The following PCDH15 variants were observed in gnomAD, a reference collection of about 807,000 sequenced individuals.
PCDH15 encodes protocadherin related 15.
Under a neutral mutation model 178.5 loss-of-function variants are expected in PCDH15, and 129 were observed. The ratio of observed to expected loss-of-function variants is 0.72; its 90% CI spans 0.63 to 0.84. The LOEUF (loss-of-function observed/expected upper bound fraction) is 0.84. Ranked by LOEUF, PCDH15 falls within the 40% of genes least tolerant of loss-of-function variation. The pLI is 0.00. For missense variants in PCDH15, 2,230 were observed against 2,099.9 expected, an observed-to-expected ratio of 1.06 and a Z score of -1.21; for synonymous variants, 800 against 732.0, an observed-to-expected ratio of 1.09 and a Z score of -1.50.
In PCDH15 at chr10:55,405,401, C is replaced by T. The variant is rs966379738; in HGVS notation, c.-156+222224G>A. The stretch of plus-strand genomic sequence containing the variant: ...TGAAAGACTTCTTTGGCTTTAAATA[C>T]CTGTCTTTTAACATCACTCATATGT... On this transcript the variant is annotated intron_variant, in intron 2 of 5. Coordinates refer to the PCDH15 transcript ENST00000613346. 2.7e-5 allele frequency among the ~76,000 whole-genome samples: 4 copies of T among 149,718 alleles called. No homozygotes were observed. In the Admixed American group the frequency reaches 2.7e-4, roughly 10 times the overall value.
intron 2 of PCDH15, among the ~76,000 whole-genome samples, chr10:55,339,519 A>G (rs1253089741): frequency 6.6e-6 from 1 of 152,194 alleles, no homozygotes; most frequent in Non-Finnish European, 1.5e-5. Flanking sequence ...GCATTAATCA[A>G]TGTATACATA....
intron 3 of PCDH15, among the ~76,000 whole-genome samples, chr10:54,833,695 GTCTC>G (rs1564550983): frequency 6.6e-6 from 1 of 152,146 alleles, no homozygotes; most frequent in Non-Finnish European, 1.5e-5. Flanking sequence ...TCCCCTGTTA[GTCTC>G]TCTATCTACT....
chr10:54,744,986 T>A (rs571588232), intron 1 of PCDH15, among the ~76,000 whole-genome samples: 3 of 152,216 alleles, frequency 2.0e-5, no homozygotes, highest in African/African-American at 7.2e-5. Context: ...CCCACCAGTC[T>A]TAACAAAGAA....
chr10:55,080,139 G>T (rs191346184), intron 2 of PCDH15, among the ~76,000 whole-genome samples: 3 of 152,076 alleles, frequency 2.0e-5, no homozygotes, highest in African/African-American at 7.2e-5. Flanking sequence ...TGGCCACAGC[G>T]GTGTGCACAG....
At chr10:55,619,457 A>C (rs1843544716) in intron 2 of PCDH15, among the ~76,000 whole-genome samples, 1 of 152,028 alleles carries the variant, frequency 6.6e-6, no homozygotes. Flanking sequence ...TCAAGAACAC[A>C]GTATCTGGAC....
intron 2 of PCDH15, among the ~76,000 whole-genome samples, chr10:54,940,417 A>C (rs2131862864): frequency 6.6e-6 from 1 of 152,286 alleles, no homozygotes; most frequent in Admixed American, 6.5e-5. Flanking sequence ...CACATATTTT[A>C]AACTTATTGA....
At chr10:53,899,583 C>CA (rs562324964) in intron 26 of PCDH15, among the ~76,000 whole-genome samples, 12 of 151,622 alleles carry the variant, frequency 7.9e-5, no homozygotes, top group South Asian at 2.1e-4. Context: ...TATCATGGAC[C>CA]AAAAAAAATT....
At chr10:54,352,285 G>A (rs142118882) in intron 5 of PCDH15, among the ~76,000 whole-genome samples, 1 of 152,106 alleles carries the variant, frequency 6.6e-6, no homozygotes, top group African/African-American at 2.4e-5. Context: ...CCTAAGAAGA[G>A]AAAACATATA....
At chr10:55,071,987 C>T (rs1178132342) in intron 2 of PCDH15, among the ~76,000 whole-genome samples, 1 of 151,218 alleles carries the variant, frequency 6.6e-6, no homozygotes, top group African/African-American at 2.4e-5. Flanking sequence ...CAACCTGCTC[C>T]TGAATGACTA....
chr10:55,143,061 G>A (rs1275255679), intron 2 of PCDH15, among the ~76,000 whole-genome samples: 1 of 152,018 alleles, frequency 6.6e-6, no homozygotes, highest in African/African-American at 2.4e-5. Flanking sequence ...ATTTTAAAGT[G>A]TGGCACTTCC....
At chr10:54,461,106 C>G (rs116123412) in intron 3 of PCDH15, among the ~76,000 whole-genome samples, 1 of 151,740 alleles carries the variant, frequency 6.6e-6, no homozygotes, top group African/African-American at 2.4e-5. Flanking sequence ...TATTCATGCT[C>G]GACTATGCAA....
chr10:54,440,870 A>T (rs930361547), intron 3 of PCDH15, among the ~76,000 whole-genome samples: 1 of 151,890 alleles, frequency 6.6e-6, no homozygotes, highest in Non-Finnish European at 1.5e-5. Flanking sequence ...TCACAAAACC[A>T]TTGCCAAATT....
At chr10:54,518,355 C>T (rs183577988) in intron 3 of PCDH15, among the ~76,000 whole-genome samples, 1,893 of 148,514 alleles carry the variant, frequency 0.013, 49 homozygotes, top group African/African-American at 0.044. Context: ...ATCAAATAGA[C>T]GCAATAAAAA....
intron 2 of PCDH15, among the ~76,000 whole-genome samples, chr10:55,393,091 G>A (rs1171847280): frequency 4.0e-5 from 6 of 151,568 alleles, no homozygotes; most frequent in Non-Finnish European, 8.8e-5. Flanking sequence ...AGATCATCTT[G>A]AATACTGTTC....
rs189660995 is a variant in PCDH15 at position 53,958,928 on chromosome 10, G to A, written c.3122+804C>T. 2.7e-3 allele frequency among the ~76,000 whole-genome samples: 346 copies of A among 130,000 alleles called. 2 individuals carry two copies. The highest frequency in any genetic ancestry group is 3.6e-3 in the Non-Finnish European group (232 of 64,596). The allele number at this position is 130,000 out of a possible 152,430, so 85.3% of individuals were successfully genotyped here. A position where few individuals can be genotyped will look rare whatever the true frequency, so the allele number is the denominator to read the frequency against. ...CAGGAGGTGGAGCTTGTAGTGACCC[G>A]AGATTACGTCACTGCACTCCAGCCT... On this transcript the variant is annotated intron_variant, in intron 23 of 37. Transcript: ENST00000644397.
chr10:53,933,087 T>C (rs1040725620), intron 25 of PCDH15, among the ~76,000 whole-genome samples: 2 of 152,114 alleles, frequency 1.3e-5, no homozygotes, highest in Non-Finnish European at 2.9e-5. Context: ...GCCAGCACCA[T>C]GCTTCCTGAA....
intron 3 of PCDH15, among the ~76,000 whole-genome samples, chr10:54,859,156 C>T (rs746298307): frequency 6.6e-6 from 1 of 152,108 alleles, no homozygotes; most frequent in Non-Finnish European, 1.5e-5. Context: ...CTTGCCTTCA[C>T]ATTTTTCTTG....
chr10:55,381,904 G>A (rs16907331), intron 2 of PCDH15, among the ~76,000 whole-genome samples: 2,752 of 152,178 alleles, frequency 0.018, 81 homozygotes, highest in African/African-American at 0.063. Context: ...GAGGAAACAA[G>A]TTTGCACTCT....
chr10:54,946,065 T>C (rs1838190803), intron 2 of PCDH15, among the ~76,000 whole-genome samples: 3 of 151,808 alleles, frequency 2.0e-5, no homozygotes, highest in Admixed American at 2.0e-4. Context: ...GTAAAAAATA[T>C]GTAGGAAACC....
Sources: allele counts gnomAD v4.1 joint callset (sites outside exome capture counted in the v4.1 genomes callset), GRCh38; gene constraint gnomAD v4.1.1; transcripts MANE v1.5; gene names NCBI Gene and HGNC (gene_info 2026-07-23, HGNC 2026-07-21).